The following MFHAS1 variants were observed in gnomAD, a reference collection of about 807,000 sequenced individuals.
MFHAS1 encodes the protein multifunctional ROCO family signaling regulator 1, also known as malignant fibrous histiocytoma-amplified sequence 1.
In MFHAS1, 50 loss-of-function variants were observed where a neutral mutation model predicts 70.4. The ratio of observed to expected loss-of-function variants is 0.71; its 90% CI spans 0.57 to 0.90. The LOEUF (loss-of-function observed/expected upper bound fraction) is 0.90, where lower values mean the gene tolerates loss of function less well. Ranked by LOEUF, MFHAS1 falls within the 40% of genes least tolerant of loss-of-function variation. MFHAS1 has a pLI of 0.00. For missense variants in MFHAS1, 1,795 were observed against 1,347.6 expected (o/e 1.33, Z -5.20); for synonymous variants, 952 against 620.0 (o/e 1.54, Z -7.96).
chr8:8,886,772 T>G (rs1269557229), intron 1 of MFHAS1, among the ~76,000 whole-genome samples: 1 of 152,240 alleles, frequency 6.6e-6, no homozygotes, highest in Non-Finnish European at 1.5e-5. Flanking sequence ...AACTTAACGC[T>G]TTTATAAAAC....
At chr8:8,864,928 T>C (rs1808800535) in intron 1 of MFHAS1, among the ~76,000 whole-genome samples, 1 of 152,154 alleles carries the variant, frequency 6.6e-6, no homozygotes, top group Middle Eastern at 3.2e-3. Flanking sequence ...ATGAACCACA[T>C]ATTAGTTACT....
chr8:8,784,737 A>C lies in MFHAS1; in HGVS notation c.*1285T>G, dbSNP rs1307291805. The C allele has an allele frequency of 2.6e-5, 4 of 152,220 alleles. No homozygotes were observed. The highest frequency in any genetic ancestry group is 6.5e-5 in the Admixed American group (1 of 15,282). The allele number at this position is 152,220 out of a possible 1,614,324, so 9.4% of individuals were successfully genotyped here. ...TACATTTTCGATCAACCCACGGAGG[A>C]GGCAAATGTAAACAGAGTTTTTTAC... is the stretch of plus-strand genomic sequence containing the variant. On this transcript the variant is annotated 3_prime_UTR_variant, in exon 3 of 3. Transcript: ENST00000276282.
intron 1 of MFHAS1, among the ~76,000 whole-genome samples, chr8:8,872,457 G>A (rs976767706): frequency 3.3e-5 from 5 of 152,170 alleles, no homozygotes; most frequent in Non-Finnish European, 7.3e-5. Context: ...ATGCATGGCA[G>A]TTTATCACTT....
intron 1 of MFHAS1, among the ~76,000 whole-genome samples, chr8:8,864,133 G>A (rs1359859010): frequency 2.6e-5 from 4 of 152,196 alleles, no homozygotes; most frequent in Admixed American, 6.5e-5. Context: ...TGCAGTACCC[G>A]ATTAAAGCCT....
intron 1 of MFHAS1, among the ~76,000 whole-genome samples, chr8:8,823,304 T>C (rs540926776): frequency 2.0e-5 from 3 of 152,356 alleles, no homozygotes; most frequent in Admixed American, 1.3e-4. Flanking sequence ...ATGAATAATG[T>C]TTCTCTCTGT....
At chr8:8,803,921 G>A (rs1806181102) in intron 1 of MFHAS1, among the ~76,000 whole-genome samples, 2 of 152,116 alleles carry the variant, frequency 1.3e-5, no homozygotes, top group East Asian at 1.9e-4. Context: ...TCAGTAAGCC[G>A]AGACTGTGCC....
In MFHAS1 at chr8:8,797,388, C is replaced by T. The variant is rs3827812; in HGVS notation, c.3102G>A (p.Pro1034=). ...ACTTGGAACAGGGGCTGATCACAGTCGGCGTGGGTGGGTAAACCAAGGCAA... is the reference window on the plus strand; with the variant it reads ...ACTTGGAACAGGGGCTGATCACAGTTGGCGTGGGTGGGTAAACCAAGGCAA... ...VNVALVYPPT[P]TVISPCSKKN... The change falls in exon 2 of 3, where the codon CCG becomes CCA. Residue 1034 remains proline (P), a synonymous_variant. Coordinates refer to ENST00000276282, the MANE Select transcript of MFHAS1 (RefSeq NM_004225.3). 291,038 of 1,613,694 alleles carry T rather than the reference C, an allele frequency of 0.18. 28,180 individuals carry two copies. The highest frequency in any genetic ancestry group is 0.2 in the Non-Finnish European group (238,504 of 1,179,770).
chr8:8,891,970 C>G lies in MFHAS1; in HGVS notation c.1089G>C (p.Gln363His), dbSNP rs759276621. ...QIAVLPDHFG[Q>H]LSRVGLWKIK... ...TCTTCCACAAACCCACCCGGGAGAGCTGGCCAAAGTGGTCGGGCAGCACCG... is the reference window on the plus strand; with the variant it reads ...TCTTCCACAAACCCACCCGGGAGAGGTGGCCAAAGTGGTCGGGCAGCACCG... Residue 363 changes from glutamine to histidine, a missense_variant, in exon 1 of 3, where the codon CAG (glutamine) becomes CAC (histidine). Transcript: ENST00000276282. This position sits in a 1 kb window ranked among gnomAD's most constrained non-coding sequence, Gnocchi z 5.4. The G allele has an allele frequency of 1.2e-6, 2 of 1,612,488 alleles. No homozygotes were observed. The highest frequency in any genetic ancestry group is 8.5e-7 in the Non-Finnish European group (1 of 1,179,274).
chr8:8,802,558 C>A (rs1806118510), intron 1 of MFHAS1, among the ~76,000 whole-genome samples: 1 of 152,186 alleles, frequency 6.6e-6, no homozygotes, highest in African/African-American at 2.4e-5. Flanking sequence ...CTTGGACTTA[C>A]CAACCTCCCA....
intron 1 of MFHAS1, among the ~76,000 whole-genome samples, chr8:8,807,806 T>C (rs370121778): frequency 6.6e-6 from 1 of 152,210 alleles, no homozygotes; most frequent in Non-Finnish European, 1.5e-5. Context: ...TAAGGCCTTC[T>C]ACAACATTAT....
In MFHAS1 at chr8:8,799,712, G is replaced by C. The variant is rs189689282; in HGVS notation, c.2999-2221C>G. 3.4e-3 allele frequency among the ~76,000 whole-genome samples: 516 copies of C among 152,216 alleles called. 6 individuals carry two copies. Among genetic ancestry groups the C allele is most frequent in the Non-Finnish European group, 1.5e-3 (105 of 67,976 alleles). The stretch of plus-strand genomic sequence containing the variant: ...CAGAGGTTTCAGTGAGCTGAGATCA[G>C]GCCACTGCACTCCAACCCGGGCGAC... On this transcript the variant is annotated intron_variant, in intron 1 of 2. Transcript: ENST00000276282.
rs563641820 is a variant in MFHAS1, at chr8:8,797,296, T to C, written c.3125+69A>G. 91 of 1,565,750 alleles carry C rather than the reference T, an allele frequency of 5.8e-5. No individual in the cohort carries two copies. The African/African-American group carries it at 9.8e-4, about 17-fold the overall frequency. On this transcript the variant is annotated intron_variant, in intron 2 of 2. Coordinates refer to ENST00000276282, the MANE Select transcript of MFHAS1 (RefSeq NM_004225.3). ...TGCAGATGCAGTTTAACCTGGATTT[T>C]TGTGGTCATATCTATGGAGCTGGGA...
At chr8:8,845,294 AG>A (rs1434685316) in intron 1 of MFHAS1, among the ~76,000 whole-genome samples, 1 of 152,244 alleles carries the variant, frequency 6.6e-6, no homozygotes, top group Non-Finnish European at 1.5e-5. Flanking sequence ...TTTTTTAAAA[AG>A]GTGCTTTCAT....
chr8:8,832,629 T>TTC (rs1221576706), intron 1 of MFHAS1, among the ~76,000 whole-genome samples: 25 of 143,312 alleles, frequency 1.7e-4, no homozygotes, highest in Admixed American at 3.4e-4. Flanking sequence ...ATTTTTTTCT[T>TTC]TTTTTTTTTT....
At chr8:8,861,631 T>A (rs1808665225) in intron 1 of MFHAS1, among the ~76,000 whole-genome samples, 4 of 152,198 alleles carry the variant, frequency 2.6e-5, no homozygotes, top group African/African-American at 9.7e-5. Context: ...ACGTAGAACT[T>A]GATGCATTTT....
intron 2 of MFHAS1, among the ~76,000 whole-genome samples, chr8:8,786,824 G>T (rs1359369988): frequency 6.6e-6 from 1 of 151,620 alleles, no homozygotes; most frequent in Non-Finnish European, 1.5e-5. Flanking sequence ...TGATTTCATG[G>T]ACACTGATAA....
intron 1 of MFHAS1, among the ~76,000 whole-genome samples, chr8:8,844,584 CT>C (rs1288789271): frequency 1.3e-5 from 2 of 152,218 alleles, no homozygotes; most frequent in Non-Finnish European, 2.9e-5. Context: ...TTCTGTCCAC[CT>C]TCTCGGGCAT....
At chr8:8,879,060 G>A (rs950236294) in intron 1 of MFHAS1, among the ~76,000 whole-genome samples, 1 of 152,032 alleles carries the variant, frequency 6.6e-6, no homozygotes, top group Admixed American at 6.6e-5. Context: ...AAAAAGGTAA[G>A]GACTACTGCC....
chr8:8,862,225 T>C (rs992688995), intron 1 of MFHAS1, among the ~76,000 whole-genome samples: 3 of 152,198 alleles, frequency 2.0e-5, no homozygotes, highest in African/African-American at 4.8e-5. Flanking sequence ...TTAGCCACTC[T>C]AGGGAACATG....
Sources: gnomAD v4.1 joint callset for allele counts (sites outside exome capture counted in the v4.1 genomes callset) on GRCh38, gnomAD v4.1.1 for gene constraint, Gnocchi (gnomAD v3.1) non-coding constraint, MANE v1.5 for transcripts, NCBI Gene and HGNC (gene_info 2026-07-23, HGNC 2026-07-21) for gene names.